B3GNT3: variants seen among roughly 807,000 people sequenced by gnomAD.
B3GNT3 encodes the protein N-acetyllactosaminide beta-1,3-N-acetylglucosaminyltransferase 3.
In B3GNT3, 7 loss-of-function variants were observed where a neutral mutation model predicts 11.6. The ratio of observed to expected loss-of-function variants is 0.60; its 90% CI spans 0.34 to 1.13. The LOEUF is 1.13. Among genes scored for constraint, B3GNT3 ranks in the 50% most tolerant of loss-of-function variants. The pLI, the probability that B3GNT3 is intolerant of heterozygous loss-of-function variation, is 0.03. For synonymous variants in B3GNT3, 201 were observed against 222.1 expected (o/e 0.90, Z 0.85); for missense variants, 400 against 507.4 (o/e 0.79, Z 2.03).
chr19:17,802,771 G>A (rs2094167832), intron 1 of B3GNT3, among the ~76,000 whole-genome samples: 1 of 151,888 alleles, frequency 6.6e-6, no homozygotes, highest in African/African-American at 2.4e-5. Flanking sequence ...TCCACTTCCA[G>A]GGCTCAAGTG....
Position 17,812,319 on chromosome 19 carries a change from C to A in B3GNT3, c.*197C>A. On this transcript the variant is annotated 3_prime_UTR_variant, in exon 3 of 3. Transcript: ENST00000318683. Reference sequence around the variant, plus strand: ...CCACCTGGTACTGTTCCAGCATCTTCCCTGGATGGCTGGAGGAACTCCAGA... The same window carrying A: ...CCACCTGGTACTGTTCCAGCATCTTACCTGGATGGCTGGAGGAACTCCAGA... 1 of 565,796 alleles carries A rather than the reference C, an allele frequency of 1.8e-6. No individual in the cohort carries two copies. The highest frequency in any genetic ancestry group is 3.0e-6 in the Non-Finnish European group (1 of 328,794). 35.0% of individuals were successfully genotyped at this position (565,796 alleles called of 1,614,324 possible).
At chr19:17,810,803 C>G (rs924604938) in intron 2 of B3GNT3, among the ~76,000 whole-genome samples, 16 of 151,902 alleles carry the variant, frequency 1.1e-4, no homozygotes, top group African/African-American at 3.6e-4. Flanking sequence ...ATTGCTTGAA[C>G]CTGAAAGGCG....
intron 1 of B3GNT3, among the ~76,000 whole-genome samples, chr19:17,801,463 C>G (rs1394117223): frequency 6.6e-6 from 1 of 151,158 alleles, no homozygotes; most frequent in African/African-American, 2.4e-5. Context: ...ATTACAGGTA[C>G]AAGCCACCAT....
chr19:17,810,883 C>CA (rs201153922), intron 2 of B3GNT3, among the ~76,000 whole-genome samples: 3,930 of 147,362 alleles, frequency 0.027, 124 homozygotes, highest in East Asian at 0.14. Flanking sequence ...ACTCCATCTC[C>CA]AAAAAAATAA....
At chr19:17,809,126 G>A (rs1480350433) in intron 2 of B3GNT3, among the ~76,000 whole-genome samples, 2 of 152,044 alleles carry the variant, frequency 1.3e-5, no homozygotes, top group African/African-American at 4.8e-5. Context: ...GAGCCACTGC[G>A]CCCGGCCAAC....
chr19:17,801,184 TTTTG>T (rs1031057561), intron 1 of B3GNT3, among the ~76,000 whole-genome samples: 3 of 152,056 alleles, frequency 2.0e-5, no homozygotes, highest in African/African-American at 7.2e-5. Flanking sequence ...GCAGCACTTT[TTTTG>T]TTTGTTTGTT....
At chr19:17,804,227 CTTTCTTTTT>C (rs1221548590) in intron 1 of B3GNT3, among the ~76,000 whole-genome samples, 4 of 142,904 alleles carry the variant, frequency 2.8e-5, no homozygotes, top group Non-Finnish European at 6.1e-5. Flanking sequence ...TCTTTTCTTT[CTTTCTTTTT>C]TTTCTTTTTT....
intron 1 of B3GNT3, among the ~76,000 whole-genome samples, chr19:17,806,956 A>G (rs1405768721): frequency 6.6e-6 from 1 of 151,384 alleles, no homozygotes; most frequent in African/African-American, 2.4e-5. Context: ...AAAAAAAAAA[A>G]AAAAAAAAGT....
chr19:17,812,788 TAGG>T lies in B3GNT3; in HGVS notation c.*669_*671del, dbSNP rs2094182850. On this transcript the variant is annotated 3_prime_UTR_variant, in exon 3 of 3. Coordinates refer to ENST00000318683, the MANE Select transcript of B3GNT3 (RefSeq NM_014256.4). ...AGCTCAGAGTTTCTGGGGTCCTCAT[TAGG>T]AGCCCCCATCCCTGTGTTCCCCAAG... 1 of 152,322 alleles carries T rather than the reference TAGG, an allele frequency of 6.6e-6. No individual in the cohort carries two copies. The highest frequency in any genetic ancestry group is 1.5e-5 in the Non-Finnish European group (1 of 68,226). 9.4% of individuals were successfully genotyped at this position (152,322 alleles called of 1,614,324 possible).
chr19:17,812,404 C>T lies in B3GNT3; in HGVS notation c.*282C>T. On this transcript the variant is annotated 3_prime_UTR_variant, in exon 3 of 3. Coordinates refer to ENST00000318683, the MANE Select transcript of B3GNT3 (RefSeq NM_014256.4). ...AGAAGTGCCTGTGCTAGAGTTCCAA[C>T]TGTGGATGCATCCGTCCCGTTTGAG... is the stretch of plus-strand genomic sequence containing the variant. The T allele has an allele frequency of 2.4e-6, 1 of 414,608 alleles. No homozygotes were observed. Among genetic ancestry groups the T allele is most frequent in the Non-Finnish European group, 4.4e-6 (1 of 229,174 alleles). The allele number at this position is 414,608 out of a possible 1,614,324, so 25.7% of individuals were successfully genotyped here. A position where few individuals can be genotyped will look rare whatever the true frequency, so the allele number is the denominator to read the frequency against.
intron 1 of B3GNT3, among the ~76,000 whole-genome samples, chr19:17,801,692 C>T (rs957721511): frequency 6.6e-6 from 1 of 151,548 alleles, no homozygotes; most frequent in Non-Finnish European, 1.5e-5. Flanking sequence ...CCATGTTGCC[C>T]AGGCTGGTCT....
intron 2 of B3GNT3, among the ~76,000 whole-genome samples, chr19:17,808,923 A>G (rs1942012642): frequency 6.6e-6 from 1 of 151,200 alleles, no homozygotes; most frequent in African/African-American, 2.4e-5. Context: ...TGCTGCAACC[A>G]CCTCCTGGTT....
rs908267161 is a variant in B3GNT3 at position 17,811,660 on chromosome 19, C to T, written c.657C>T (p.Asn219=). The change falls in exon 3 of 3, where the codon AAC becomes AAT. Residue 219 remains asparagine (N), a synonymous_variant. Transcript: ENST00000318683. This position sits in a 1 kb window ranked among gnomAD's most constrained non-coding sequence, Gnocchi z 4.1. ...GDDDVFAHTD[N]MVFYLQDHDP... ...ATGACGTCTTTGCACACACAGACAA[C>T]ATGGTCTTCTACCTGCAGGACCATG... The T allele has an allele frequency of 6.2e-7, 1 of 1,614,270 alleles. No individual in the cohort carries two copies. The highest frequency in any genetic ancestry group is 8.5e-7 in the Non-Finnish European group (1 of 1,180,060).
At chr19:17,796,983 G>C (rs1214624890) in intron 1 of B3GNT3, among the ~76,000 whole-genome samples, 1 of 152,158 alleles carries the variant, frequency 6.6e-6, no homozygotes, top group Non-Finnish European at 1.5e-5. Context: ...TGCTCCTCAT[G>C]ATGGTGAGGT....
At chr19:17,803,867 A>C (rs1479908247) in intron 1 of B3GNT3, among the ~76,000 whole-genome samples, 1 of 152,062 alleles carries the variant, frequency 6.6e-6, no homozygotes, top group Admixed American at 6.6e-5. Flanking sequence ...AAAAAAAAAA[A>C]AAAATTTTTA....
chr19:17,797,073 T>C (rs1412566857), intron 1 of B3GNT3, among the ~76,000 whole-genome samples: 1 of 152,042 alleles, frequency 6.6e-6, no homozygotes, highest in Non-Finnish European at 1.5e-5. Flanking sequence ...CCAACCTTTC[T>C]TAGGTGGATT....
chr19:17,799,242 C>G (rs2094162935), intron 1 of B3GNT3, among the ~76,000 whole-genome samples: 1 of 149,636 alleles, frequency 6.7e-6, no homozygotes, highest in Admixed American at 6.7e-5. Flanking sequence ...TGCTGATAGT[C>G]AGGTGGTGGT....
At chr19:17,796,318 C>G (rs1287204768) in intron 1 of B3GNT3, among the ~76,000 whole-genome samples, 1 of 152,166 alleles carries the variant, frequency 6.6e-6, no homozygotes, top group Non-Finnish European at 1.5e-5. Context: ...GTCTCAAACT[C>G]CTGGGCCCAA....
In B3GNT3 at chr19:17,811,942, CCACAGCGGCATCCG is replaced by C. The variant is rs1463903002; in HGVS notation, c.943_956del (p.Ser315ValfsTer14). On this transcript the variant is annotated frameshift_variant, in exon 3 of 3. Coordinates refer to ENST00000318683, the MANE Select transcript of B3GNT3 (RefSeq NM_014256.4). LOFTEE classifies it low-confidence loss of function (END_TRUNC). The surrounding 1 kb of genome is among the most constrained non-coding windows in gnomAD (Gnocchi z 4.1). ...AGCTTGAGGGACTGAAGCCTGCCTCCCACAGCGGCATCCGCACGTCTGGCGTGCGGGCTCCATCG... is the reference window on the plus strand; with the variant it reads ...AGCTTGAGGGACTGAAGCCTGCCTCCCACGTCTGGCGTGCGGGCTCCATCG... The C allele has an allele frequency of 6.2e-6, 10 of 1,612,008 alleles. No homozygotes were observed. Among genetic ancestry groups the C allele is most frequent in the Non-Finnish European group, 7.6e-6 (9 of 1,180,036 alleles).
Sources: gnomAD v4.1 joint callset for allele counts (sites outside exome capture counted in the v4.1 genomes callset) on GRCh38, gnomAD v4.1.1 for gene constraint, Gnocchi (gnomAD v3.1) non-coding constraint, MANE v1.5 for transcripts, NCBI Gene and HGNC (gene_info 2026-07-23, HGNC 2026-07-21) for gene names.